MSI2: variants seen among roughly 807,000 people sequenced by gnomAD.
MSI2 encodes the protein RNA-binding protein Musashi homolog 2.
A neutral mutation model predicts 45.6 loss-of-function variants in MSI2; 17 were observed. The observed-to-expected ratio is 0.37, with a 90% CI of 0.26 to 0.56. MSI2 has a LOEUF of 0.56. Among genes scored for constraint, MSI2 ranks in the 20% least tolerant of loss-of-function variants. The pLI, the probability that MSI2 is intolerant of heterozygous loss-of-function variation, is 0.77. For missense variants in MSI2, 293 were observed against 444.2 expected (o/e 0.66, Z 3.06); for synonymous variants, 156 against 158.2 (o/e 0.99, Z 0.11).
chr17:57,539,521 A>G (rs1022387795), intron 7 of MSI2, among the ~76,000 whole-genome samples: 3 of 110,104 alleles, frequency 2.7e-5, no homozygotes, highest in African/African-American at 1.0e-4. Flanking sequence ...GTGAAACCCC[A>G]TCTCTACTGA....
intron 7 of MSI2, among the ~76,000 whole-genome samples, chr17:57,535,972 A>G (rs1171531637): frequency 6.6e-6 from 1 of 152,196 alleles, no homozygotes; most frequent in Non-Finnish European, 1.5e-5. Context: ...TGTTTTGAAT[A>G]CCTGCCAGAC....
At chr17:57,487,216 AG>A (rs1247998868) in intron 6 of MSI2, among the ~76,000 whole-genome samples, 1 of 152,210 alleles carries the variant, frequency 6.6e-6, no homozygotes, top group Non-Finnish European at 1.5e-5. Flanking sequence ...GAGACCGCAA[AG>A]ATAGTAGCAG....
intron 6 of MSI2, among the ~76,000 whole-genome samples, chr17:57,519,299 G>T (rs947923849): frequency 6.6e-6 from 1 of 152,190 alleles, no homozygotes; most frequent in Admixed American, 6.5e-5. Flanking sequence ...CCAGGATGGG[G>T]CAGTGAATTG....
At chr17:57,401,256 G>T in intron 5 of MSI2, 123 bp from the exon 6 acceptor site, 2 of 778,454 alleles carry the variant, frequency 2.6e-6, no homozygotes, top group East Asian at 5.0e-5. Flanking sequence ...GCGCCATGCA[G>T]CTTGAATATA....
intron 5 of MSI2, among the ~76,000 whole-genome samples, chr17:57,316,138 T>C (rs2143637660): frequency 6.6e-6 from 1 of 152,122 alleles, no homozygotes; most frequent in Middle Eastern, 3.4e-3. Flanking sequence ...CCTCTTGTAC[T>C]GTTAACCCAG....
rs184555596 is a variant in MSI2, at chr17:57,370,497, A to G, written c.313-30882A>G. Among the ~76,000 whole-genome samples, 29 of 152,100 alleles carry G rather than the reference A, an allele frequency of 1.9e-4. No homozygotes were observed. In the East Asian group the frequency reaches 5.6e-3, roughly 29 times the overall value. On this transcript the variant is annotated intron_variant, in intron 5 of 13. Transcript: ENST00000284073. Reference sequence around the variant, plus strand: ...CATCTGTGGCCTCTGTTGCTCTCTCATGTTCTTTTCTGCCCAGAGACCAGG... The same window carrying G: ...CATCTGTGGCCTCTGTTGCTCTCTCGTGTTCTTTTCTGCCCAGAGACCAGG...
chr17:57,278,946 G>C, intron 5 of MSI2: 1 of 152,346 alleles, frequency 6.6e-6, no homozygotes, highest in East Asian at 1.9e-4. Context: ...CACTGCAGAC[G>C]TGGAGCTGTG....
chr17:57,304,694 G>A (rs1911735778), intron 5 of MSI2, among the ~76,000 whole-genome samples: 1 of 152,134 alleles, frequency 6.6e-6, no homozygotes, highest in Non-Finnish European at 1.5e-5. Context: ...AAATTGCTGG[G>A]ATTACAGGTG....
At chr17:57,256,518 G>A, upstream of MSI2, 1 of 319,604 alleles carries the variant, frequency 3.1e-6, no homozygotes, top group Non-Finnish European at 5.6e-6. Flanking sequence ...CGGGGACGGG[G>A]GGGTGTGCGA....
chr17:57,687,957 A>G (rs574958553), downstream of MSI2, among the ~76,000 whole-genome samples: 43 of 152,234 alleles, frequency 2.8e-4, no homozygotes, highest in African/African-American at 1.0e-3. Context: ...TAAAGGAGGA[A>G]AACCATATGA....
chr17:57,276,450 A>T (rs1908854580), intron 5 of MSI2, among the ~76,000 whole-genome samples: 1 of 152,244 alleles, frequency 6.6e-6, no homozygotes, highest in South Asian at 2.1e-4. Context: ...TTGATGAGGT[A>T]GCTTCAACTG....
chr17:57,328,673 T>G (rs1227918168), intron 5 of MSI2, among the ~76,000 whole-genome samples: 1 of 152,092 alleles, frequency 6.6e-6, no homozygotes, highest in African/African-American at 2.4e-5. Context: ...CCTCTGTGGT[T>G]GGACAGCTGT....
the MSI2 span, among the ~76,000 whole-genome samples, chr17:57,700,778 T>TGTAATCCCAGCTA: frequency 3.3e-5 from 5 of 151,968 alleles, no homozygotes; most frequent in Non-Finnish European, 5.9e-5. Context: ...GGCAGCTGCC[T>TGTAATCCCAGCTA]GTAATCCCAG....
intron 7 of MSI2, among the ~76,000 whole-genome samples, chr17:57,588,252 G>A (rs952696551): frequency 4.6e-5 from 7 of 152,180 alleles, no homozygotes; most frequent in African/African-American, 1.7e-4. Flanking sequence ...TCCTGACCTG[G>A]AAGTCTTTGT....
chr17:57,422,318 A>C (rs1431174679), intron 6 of MSI2, among the ~76,000 whole-genome samples: 1 of 152,098 alleles, frequency 6.6e-6, no homozygotes, highest in Non-Finnish European at 1.5e-5. Context: ...AAATTATCCG[A>C]GCATGATGGC....
intron 6 of MSI2, chr17:57,450,051 C>A (rs1052034325): frequency 3.3e-5 from 5 of 151,806 alleles, no homozygotes; most frequent in African/African-American, 1.2e-4. Flanking sequence ...AACAAACAAA[C>A]AAAAAACTGT....
At chr17:57,635,715 G>A (rs955075144) in intron 10 of MSI2, among the ~76,000 whole-genome samples, 3 of 152,242 alleles carry the variant, frequency 2.0e-5, no homozygotes, top group Non-Finnish European at 4.4e-5. Flanking sequence ...GGTTATAAAA[G>A]TGCCAGTTTG....
chr17:57,606,652 C>G (rs1447690865), intron 8 of MSI2, among the ~76,000 whole-genome samples: 3 of 152,094 alleles, frequency 2.0e-5, no homozygotes, highest in Admixed American at 6.5e-5. Context: ...TGTCCACACC[C>G]AGCCGCTGCT....
chr17:57,389,285 C>T (rs12952308), intron 5 of MSI2, among the ~76,000 whole-genome samples: 3 of 152,116 alleles, frequency 2.0e-5, no homozygotes, highest in African/African-American at 7.2e-5. Flanking sequence ...GCCCCCTGCT[C>T]TTCTTTTTAA....
Sources: allele counts gnomAD v4.1 joint callset (sites outside exome capture counted in the v4.1 genomes callset), GRCh38; gene constraint gnomAD v4.1.1; transcripts MANE v1.5; gene names NCBI Gene and HGNC (gene_info 2026-07-23, HGNC 2026-07-21).